The following CDH18 variants were observed in gnomAD, a reference collection of about 807,000 sequenced individuals.
CDH18 encodes the protein cadherin 18.
In CDH18, 31 loss-of-function variants were observed where a neutral mutation model predicts 67.9. The ratio of observed to expected loss-of-function variants is 0.46; its 90% CI spans 0.34 to 0.62. The LOEUF is 0.62. Among genes scored for constraint, CDH18 ranks in the 20% least tolerant of loss-of-function variants. CDH18 has a pLI of 0.01. For missense variants in CDH18, 890 were observed against 975.5 expected (o/e 0.91, Z 1.17); for synonymous variants, 362 against 347.2 (o/e 1.04, Z -0.48).
At chr5:20,026,226 G>A (rs112796235) in intron 2 of CDH18, among the ~76,000 whole-genome samples, 6 of 152,300 alleles carry the variant, frequency 3.9e-5, no homozygotes, top group African/African-American at 7.2e-5. Flanking sequence ...ATGAGAATCC[G>A]TAAGGGGATC....
At chr5:20,184,543 A>G (rs917150220) in intron 2 of CDH18, among the ~76,000 whole-genome samples, 7 of 152,110 alleles carry the variant, frequency 4.6e-5, no homozygotes. Flanking sequence ...AATAATGAAA[A>G]TGACTATAAG....
intron 1 of CDH18, among the ~76,000 whole-genome samples, chr5:20,356,108 C>T (rs1009847937): frequency 6.6e-6 from 1 of 152,190 alleles, no homozygotes; most frequent in Admixed American, 6.5e-5. Context: ...CCAGACTAGG[C>T]TCAGTGGCTC....
At chr5:19,741,599 C>A (rs575899400) in intron 4 of CDH18, among the ~76,000 whole-genome samples, 2 of 152,188 alleles carry the variant, frequency 1.3e-5, no homozygotes, top group East Asian at 3.9e-4. Flanking sequence ...ACTGCAATTT[C>A]TTACCTAGCC....
At chr5:19,626,141 G>A (rs1751500162) in intron 5 of CDH18, among the ~76,000 whole-genome samples, 1 of 152,024 alleles carries the variant, frequency 6.6e-6, no homozygotes, top group South Asian at 2.1e-4. Context: ...TTCAATATAC[G>A]ACTTTTTCAT....
intron 1 of CDH18, among the ~76,000 whole-genome samples, chr5:20,325,669 GAAAT>G (rs898152341): frequency 5.3e-5 from 8 of 151,486 alleles, no homozygotes; most frequent in South Asian, 4.2e-4. Flanking sequence ...AAAAAAAAAA[GAAAT>G]AAAAACCACT....
intron 5 of CDH18, among the ~76,000 whole-genome samples, chr5:19,695,165 T>C (rs1762384335): frequency 6.6e-6 from 1 of 152,146 alleles, no homozygotes; most frequent in Admixed American, 6.5e-5. Flanking sequence ...AATAGAATTA[T>C]CATTCCAGAT....
At chr5:19,653,416 G>A (rs141363759) in intron 5 of CDH18, among the ~76,000 whole-genome samples, 26 of 151,924 alleles carry the variant, frequency 1.7e-4, no homozygotes, top group African/African-American at 6.0e-4. Context: ...CTGTAATCAC[G>A]GGTTGGTACC....
At chr5:19,608,166 A>G (rs1232592641) in intron 6 of CDH18, among the ~76,000 whole-genome samples, 2 of 151,794 alleles carry the variant, frequency 1.3e-5, no homozygotes, top group African/African-American at 4.8e-5. Context: ...TTACATATGT[A>G]GAATACTAAA....
At chr5:19,882,931 C>T (rs995132218) in intron 2 of CDH18, among the ~76,000 whole-genome samples, 1 of 152,062 alleles carries the variant, frequency 6.6e-6, no homozygotes, top group African/African-American at 2.4e-5. Flanking sequence ...TATAAAATTA[C>T]TATTATATTT....
intron 12 of CDH18, among the ~76,000 whole-genome samples, chr5:19,479,652 A>C (rs1165220093): frequency 6.6e-6 from 1 of 152,060 alleles, no homozygotes; most frequent in Admixed American, 6.6e-5. Context: ...ACCCACTTCG[A>C]TCCCCATTTA....
intron 2 of CDH18, among the ~76,000 whole-genome samples, chr5:19,905,405 T>C (rs1159585166): frequency 1.3e-5 from 2 of 151,970 alleles, no homozygotes; most frequent in African/African-American, 4.8e-5. Flanking sequence ...TGCAAATACT[T>C]TATTTTTATT....
intron 1 of CDH18, among the ~76,000 whole-genome samples, chr5:20,288,357 G>C (rs575087834): frequency 6.6e-6 from 1 of 151,532 alleles, no homozygotes; most frequent in Non-Finnish European, 1.5e-5. Flanking sequence ...TAAAATACTA[G>C]CATGTCCCTT....
chr5:20,483,241 A>G (rs1752937477), intron 1 of CDH18, among the ~76,000 whole-genome samples: 1 of 152,064 alleles, frequency 6.6e-6, no homozygotes, highest in South Asian at 2.1e-4. Flanking sequence ...AATAAAAACT[A>G]CAAAACATTG....
intron 2 of CDH18, among the ~76,000 whole-genome samples, chr5:19,953,268 G>A (rs932218894): frequency 6.6e-6 from 1 of 152,008 alleles, no homozygotes; most frequent in Non-Finnish European, 1.5e-5. Context: ...AATACAGGAA[G>A]TCTGTGTACA....
chr5:20,132,525 G>T (rs998494165), intron 2 of CDH18, among the ~76,000 whole-genome samples: 4 of 151,560 alleles, frequency 2.6e-5, no homozygotes, highest in African/African-American at 9.7e-5. Flanking sequence ...CCCATTTCCT[G>T]GTCCTGGATT....
chr5:20,295,258 T>C (rs1046430435), intron 1 of CDH18, among the ~76,000 whole-genome samples: 4 of 152,182 alleles, frequency 2.6e-5, no homozygotes, highest in African/African-American at 4.8e-5. Context: ...TCTAATACCA[T>C]AGACCTTCAC....
intron 2 of CDH18, among the ~76,000 whole-genome samples, chr5:20,129,633 T>G (rs1749101785): frequency 6.6e-6 from 1 of 152,018 alleles, no homozygotes; most frequent in African/African-American, 2.4e-5. Context: ...TTTGTTGTTA[T>G]CTATAAAACC....
intron 5 of CDH18, among the ~76,000 whole-genome samples, chr5:19,637,653 T>C (rs1753354145): frequency 6.6e-6 from 1 of 152,200 alleles, no homozygotes; most frequent in South Asian, 2.1e-4. Context: ...ACTGTCTCAC[T>C]GGGTTCCTCG....
intron 4 of CDH18, among the ~76,000 whole-genome samples, chr5:19,742,372 T>C (rs1210581924): frequency 1.3e-5 from 2 of 151,756 alleles, no homozygotes; most frequent in Middle Eastern, 3.4e-3. Context: ...ATGATCTTCC[T>C]ATTTCCCCAA....
Sources: gnomAD v4.1 joint callset for allele counts (sites outside exome capture counted in the v4.1 genomes callset) on GRCh38, gnomAD v4.1.1 for gene constraint, MANE v1.5 for transcripts, NCBI Gene and HGNC (gene_info 2026-07-23, HGNC 2026-07-21) for gene names.